Variants in PDE3A observed in about 807,000 individuals in gnomAD.
The protein encoded by PDE3A is cGMP-inhibited 3',5'-cyclic phosphodiesterase 3A.
A neutral mutation model predicts 98.3 loss-of-function variants in PDE3A; 43 were observed. The ratio of observed to expected loss-of-function variants is 0.44; its 90% CI spans 0.34 to 0.56. PDE3A has a LOEUF of 0.56. Among genes scored for constraint, PDE3A ranks in the 20% least tolerant of loss-of-function variants. PDE3A has a pLI of 0.01. For synonymous variants in PDE3A, 663 were observed against 567.9 expected, an observed-to-expected ratio of 1.17 and a Z score of -2.38; for missense variants, 1,427 against 1,440.7, an observed-to-expected ratio of 0.99 and a Z score of 0.15.
chr12:20,657,611 G>T (rs1945073123), intron 15 of PDE3A, among the ~76,000 whole-genome samples: 1 of 152,164 alleles, frequency 6.6e-6, no homozygotes. Context: ...TAGAATTGGA[G>T]CAATGAAAGG....
intron 2 of PDE3A, among the ~76,000 whole-genome samples, chr12:20,560,154 T>G (rs1465457942): frequency 6.6e-6 from 1 of 152,128 alleles, no homozygotes; most frequent in African/African-American, 2.4e-5. Flanking sequence ...AGGCACATAC[T>G]CGAGGCCTGA....
At chr12:20,563,490 A>G (rs536488465) in intron 2 of PDE3A, among the ~76,000 whole-genome samples, 1 of 152,316 alleles carries the variant, frequency 6.6e-6, no homozygotes, top group South Asian at 2.1e-4. Context: ...TTTATGCCCT[A>G]GAGCTAGCTG....
rs2120533694 is a variant in PDE3A, at chr12:20,687,041, A to G, written c.*6770A>G. ...GTTTCCAAATGTGAATTAGCCCTTG[A>G]ATTAGTTTGAAAACTGCTACTTGAA... On this transcript the variant is annotated 3_prime_UTR_variant, in exon 16 of 16. Coordinates refer to ENST00000359062, the MANE Select transcript of PDE3A (RefSeq NM_000921.5). 6.6e-6 allele frequency among the ~76,000 whole-genome samples: 1 copy of G among 152,234 alleles called. No individual in the cohort carries two copies. Among genetic ancestry groups the G allele is most frequent in the Admixed American group, 6.5e-5 (1 of 15,284 alleles).
intron 2 of PDE3A, among the ~76,000 whole-genome samples, chr12:20,563,188 G>C (rs1942573964): frequency 6.6e-6 from 1 of 152,198 alleles, no homozygotes; most frequent in Non-Finnish European, 1.5e-5. Context: ...AATACCTACT[G>C]AAGTTGATTA....
At chr12:20,633,231 G>A (rs575188769) in intron 6 of PDE3A, among the ~76,000 whole-genome samples, 5 of 152,236 alleles carry the variant, frequency 3.3e-5, no homozygotes, top group African/African-American at 4.8e-5. Context: ...GATTACAGGC[G>A]TGAGCCCATA....
In PDE3A at chr12:20,369,986, C is replaced by A. The variant is rs772350975; in HGVS notation, c.702C>A (p.Val234=). 2 of 1,613,214 alleles carry A rather than the reference C, an allele frequency of 1.2e-6. No individual in the cohort carries two copies. The highest frequency in any genetic ancestry group is 1.7e-6 in the Non-Finnish European group (2 of 1,179,986). ...VSLISLERFK[V]AWRPYLAYLA... ...TCATTTCCTTAGAGAGGTTCAAGGT[C>A]GCCTGGAGACCTTACCTGGCGTACC... The change falls in exon 1 of 16, where the codon GTC becomes GTA. Residue 234 remains valine (V), a synonymous_variant. Coordinates refer to ENST00000359062, the MANE Select transcript of PDE3A (RefSeq NM_000921.5).
At chr12:20,407,350 G>A (rs1944251180) in intron 1 of PDE3A, among the ~76,000 whole-genome samples, 2 of 152,118 alleles carry the variant, frequency 1.3e-5, no homozygotes, top group Non-Finnish European at 2.9e-5. Context: ...GGTTCAGCAT[G>A]GTTATTCATG....
chr12:20,629,824 G>GT (rs1238697650), intron 5 of PDE3A, 84 bp from the exon 6 acceptor site: 1 of 1,040,936 alleles, frequency 9.6e-7, no homozygotes. Flanking sequence ...TACTGAGTTT[G>GT]TAAGAGTCCA....
chr12:20,542,719 T>C (rs1941951100), intron 1 of PDE3A, among the ~76,000 whole-genome samples: 1 of 152,060 alleles, frequency 6.6e-6, no homozygotes, highest in Non-Finnish European at 1.5e-5. Flanking sequence ...AGGCTATGTC[T>C]GGATTTTATT....
At chr12:20,451,320 C>T (rs189483139) in intron 1 of PDE3A, among the ~76,000 whole-genome samples, 173 of 152,296 alleles carry the variant, frequency 1.1e-3, no homozygotes, top group Middle Eastern at 6.8e-3. Context: ...GTCTACCAGG[C>T]TGGAGTGCAG....
intron 1 of PDE3A, among the ~76,000 whole-genome samples, chr12:20,501,581 G>T (rs537794080): frequency 1.3e-5 from 2 of 152,026 alleles, no homozygotes; most frequent in African/African-American, 4.8e-5. Flanking sequence ...GAAATTATTC[G>T]TAGAGCGAGG....
At chr12:20,436,388 G>A (rs964464524) in intron 1 of PDE3A, among the ~76,000 whole-genome samples, 1 of 152,116 alleles carries the variant, frequency 6.6e-6, no homozygotes, top group African/African-American at 2.4e-5. Context: ...AAACATTTTA[G>A]GGGTGAAAGG....
At chr12:20,391,863 A>T (rs1054638499) in intron 1 of PDE3A, among the ~76,000 whole-genome samples, 1 of 152,040 alleles carries the variant, frequency 6.6e-6, no homozygotes, top group East Asian at 1.9e-4. Flanking sequence ...ACTGGAACAA[A>T]GCGAAGGGTG....
At chr12:20,512,410 T>A (rs146831920) in intron 1 of PDE3A, among the ~76,000 whole-genome samples, 1 of 152,092 alleles carries the variant, frequency 6.6e-6, no homozygotes, top group Non-Finnish European at 1.5e-5. Context: ...TACCAAGAGA[T>A]GAAGACAAAT....
chr12:20,665,895 A>G (rs1945295616), intron 15 of PDE3A, among the ~76,000 whole-genome samples: 1 of 151,554 alleles, frequency 6.6e-6, no homozygotes, highest in South Asian at 2.1e-4. Context: ...TGCTACATTC[A>G]TCAAATGTGT....
intron 1 of PDE3A, among the ~76,000 whole-genome samples, chr12:20,434,073 G>T (rs1944741308): frequency 6.6e-6 from 1 of 152,094 alleles, no homozygotes; most frequent in Non-Finnish European, 1.5e-5. Flanking sequence ...CTCCCACATT[G>T]TTAAAATAAT....
chr12:20,465,342 G>A lies in PDE3A; in HGVS notation c.961-91318G>A, dbSNP rs190360728. Among the ~76,000 whole-genome samples the A allele has an allele frequency of 3.3e-3, 500 of 152,210 alleles. 1 individual carries two copies. The highest frequency in any genetic ancestry group is 0.01 in the Middle Eastern group (3 of 294). On this transcript the variant is annotated intron_variant, in intron 1 of 15. Transcript: ENST00000359062. ...GTAAAATTTTCTACCAACTCCCCAA[G>A]CTAAGTACTTACGTGTGTTAGAATG...
intron 4 of PDE3A, among the ~76,000 whole-genome samples, chr12:20,618,420 GAAGAAT>G (rs57221417): frequency 0.56 from 84,888 of 151,088 alleles, 24,533 homozygotes; most frequent in South Asian, 0.75. Flanking sequence ...TTGATCAAAA[GAAGAAT>G]AAGAATGAGA....
intron 10 of PDE3A, among the ~76,000 whole-genome samples, chr12:20,645,178 T>A (rs1401208060): frequency 7.8e-6 from 1 of 128,204 alleles, no homozygotes; most frequent in Non-Finnish European, 1.9e-5. Flanking sequence ...CATGAGCCAC[T>A]GCACCTGGCC....
Sources: allele counts gnomAD v4.1 joint callset (sites outside exome capture counted in the v4.1 genomes callset), GRCh38; gene constraint gnomAD v4.1.1; transcripts MANE v1.5; gene names NCBI Gene and HGNC (gene_info 2026-07-23, HGNC 2026-07-21).